Variants in COL22A1 observed in about 807,000 individuals in gnomAD.
COL22A1 encodes the protein collagen type XXII alpha 1 chain, also known as collagen alpha-1(XXII) chain.
Under a neutral mutation model 248.9 loss-of-function variants are expected in COL22A1, and 221 were observed. The ratio of observed to expected loss-of-function variants is 0.89; its 90% confidence interval spans 0.80 to 0.99. The LOEUF is 0.99. Ranked by LOEUF, COL22A1 falls within the 50% of genes least tolerant of loss-of-function variation. The pLI is 0.00. For missense variants in COL22A1, 2,240 were observed against 2,179.0 expected, an observed-to-expected ratio of 1.03 and a Z score of -0.56; for synonymous variants, 891 against 793.4, an observed-to-expected ratio of 1.12 and a Z score of -2.07.
At chr8:138,738,272 C>T (rs1831280573) in intron 22 of COL22A1, among the ~76,000 whole-genome samples, 1 of 152,156 alleles carries the variant, frequency 6.6e-6, no homozygotes, top group Non-Finnish European at 1.5e-5. Flanking sequence ...CAGTATCCAG[C>T]AGGGTGATGT....
intron 13 of COL22A1, 118 bp downstream of exon 13, chr8:138,780,809 C>A (rs1374594738): frequency 9.8e-6 from 8 of 816,798 alleles, no homozygotes; most frequent in South Asian, 1.4e-5. Context: ...AATATAAATA[C>A]GTCCCCACTC....
chr8:138,763,086 C>CA (rs927951731), intron 16 of COL22A1, among the ~76,000 whole-genome samples: 11 of 151,632 alleles, frequency 7.3e-5, no homozygotes, highest in Admixed American at 2.6e-4. Flanking sequence ...CTATGACTCC[C>CA]AAAAAAAAGA....
At chr8:138,903,132 A>G (rs977533350) in intron 1 of COL22A1, among the ~76,000 whole-genome samples, 1 of 152,186 alleles carries the variant, frequency 6.6e-6, no homozygotes, top group Non-Finnish European at 1.5e-5. Context: ...TCAACCCTAC[A>G]GCAAATATGG....
intron 16 of COL22A1, among the ~76,000 whole-genome samples, chr8:138,766,310 A>C (rs1046825744): frequency 2.6e-5 from 4 of 152,188 alleles, no homozygotes; most frequent in African/African-American, 9.6e-5. Context: ...AGCAGTCTGC[A>C]CTGCTGGCCG....
At chr8:138,811,677 G>A (rs1373909369) in intron 9 of COL22A1, 122 bp downstream of exon 9, 22 of 1,123,300 alleles carry the variant, frequency 2.0e-5, no homozygotes, top group Non-Finnish European at 2.2e-5. Flanking sequence ...ACAGGGTGCT[G>A]TCAGCTGACA....
In COL22A1 at chr8:138,813,010, G is replaced by C; in HGVS notation, c.1255C>G (p.Gln419Glu). 1.2e-6 allele frequency: 2 copies of C among 1,613,756 alleles called. No individual in the cohort carries two copies. Among genetic ancestry groups the C allele is most frequent in the Non-Finnish European group, 1.7e-6 (2 of 1,179,684 alleles). The change falls in exon 8 of 65, where the codon CAG becomes GAG. Residue 419 changes from glutamine to glutamate, a missense_variant. Transcript: ENST00000303045. ...GAGTCACAATAGATCACAATCCGCT[G>C]TAGGTCAAACTGGAAAGGAAAGCAA... ...YDSVPIDFDLQRIVIYCDSRH... is the reference protein window; with the variant it reads ...YDSVPIDFDLERIVIYCDSRH...
intron 44 of COL22A1, among the ~76,000 whole-genome samples, chr8:138,658,903 C>T (rs1039702509): frequency 2.0e-5 from 3 of 152,128 alleles, no homozygotes; most frequent in East Asian, 1.9e-4. Flanking sequence ...CTCTCCCTCT[C>T]TCTCTCTCCC....
chr8:138,889,091 A>AGGCATCATCATTTCCACTGGGTAAAG (rs1824868825), intron 1 of COL22A1, among the ~76,000 whole-genome samples: 2 of 152,168 alleles, frequency 1.3e-5, no homozygotes, highest in Non-Finnish European at 2.9e-5. Flanking sequence ...TCTTCAAGGC[A>AGGCATCATCATTTCCACTGGGTAAAG]GGCATCATCA....
chr8:138,909,217 T>C (rs902325627), intron 1 of COL22A1, among the ~76,000 whole-genome samples: 2 of 152,240 alleles, frequency 1.3e-5, no homozygotes, highest in African/African-American at 2.4e-5. Flanking sequence ...ATCCTCCTAA[T>C]AGAGTTAAGT....
chr8:138,748,471 C>T (rs916169215), intron 22 of COL22A1, among the ~76,000 whole-genome samples: 2 of 152,158 alleles, frequency 1.3e-5, no homozygotes, highest in Non-Finnish European at 2.9e-5. Context: ...GACGCACAGC[C>T]GCACGTGCGA....
intron 1 of COL22A1, among the ~76,000 whole-genome samples, chr8:138,903,952 G>C (rs927504730): frequency 1.2e-4 from 18 of 152,202 alleles, no homozygotes; most frequent in African/African-American, 4.1e-4. Context: ...TGGATCCCGA[G>C]AACAAGATAA....
chr8:138,877,825 C>A lies in COL22A1; in HGVS notation c.583G>T (p.Ala195Ser), dbSNP rs1586945239. ...LEEIASEPKS[A>S]HVFHVSDFNA... is the part of the protein sequence containing the mutation. ...AAGTCGGACACGTGGAAGACGTGGG[C>A]GGACTTGGGCTCTGAGGCGATCTCC... Residue 195 changes from alanine (A) to serine (S), a missense_variant, in exon 3 of 65, where the codon GCC becomes TCC. Transcript: ENST00000303045. 8.7e-6 allele frequency: 14 copies of A among 1,612,250 alleles called. No homozygotes were observed. Among genetic ancestry groups the A allele is most frequent in the Non-Finnish European group, 1.2e-5 (14 of 1,179,134 alleles).
chr8:138,763,712 C>G (rs1833697564), intron 16 of COL22A1, among the ~76,000 whole-genome samples: 1 of 152,190 alleles, frequency 6.6e-6, no homozygotes, highest in African/African-American at 2.4e-5. Flanking sequence ...CCACTTTGTT[C>G]CGGCTTCTGC....
At chr8:138,644,249 A>G (rs561847222) in intron 47 of COL22A1, among the ~76,000 whole-genome samples, 2 of 152,262 alleles carry the variant, frequency 1.3e-5, no homozygotes, top group South Asian at 4.2e-4. Context: ...TTAAATTTTG[A>G]TATTTTGTTC....
intron 22 of COL22A1, among the ~76,000 whole-genome samples, chr8:138,746,552 C>T (rs922012777): frequency 6.6e-6 from 1 of 152,224 alleles, no homozygotes; most frequent in Non-Finnish European, 1.5e-5. Flanking sequence ...AGAACACAAC[C>T]TGAATCAGGG....
chr8:138,735,643 A>T (rs1831049948), intron 23 of COL22A1, among the ~76,000 whole-genome samples: 1 of 152,100 alleles, frequency 6.6e-6, no homozygotes, highest in African/African-American at 2.4e-5. Flanking sequence ...AACCCACTCT[A>T]TTTTTCATTA....
chr8:138,640,883 C>A (rs1408401325), intron 47 of COL22A1, among the ~76,000 whole-genome samples: 2 of 152,174 alleles, frequency 1.3e-5, no homozygotes. Flanking sequence ...AAGGAAAATT[C>A]ACTCAGCTAA....
chr8:138,882,084 TC>T (rs978556852), intron 2 of COL22A1, among the ~76,000 whole-genome samples: 14 of 151,980 alleles, frequency 9.2e-5, no homozygotes, highest in African/African-American at 3.4e-4. Flanking sequence ...CTGGAATGTG[TC>T]CCAAAACCTT....
chr8:138,618,425 G>A (rs1173123580), intron 53 of COL22A1, among the ~76,000 whole-genome samples: 1 of 152,082 alleles, frequency 6.6e-6, no homozygotes, highest in African/African-American at 2.4e-5. Context: ...CCCAATACAG[G>A]TTCCATGGGT....
Sources: gnomAD v4.1 joint callset for allele counts (sites outside exome capture counted in the v4.1 genomes callset) on GRCh38, gnomAD v4.1.1 for gene constraint, MANE v1.5 for transcripts, NCBI Gene and HGNC (gene_info 2026-07-23, HGNC 2026-07-21) for gene names.